PAPPA: variants seen among roughly 807,000 people sequenced by gnomAD.
PAPPA encodes the protein pappalysin 1.
PAPPA carries 60 observed loss-of-function variants against 164.0 expected under a neutral mutation model. That is an observed-to-expected ratio of 0.37 (90% CI 0.30 to 0.45). The LOEUF (loss-of-function observed/expected upper bound fraction) is 0.45, where lower values mean the gene tolerates loss of function less well. PAPPA is among the 20% of genes least tolerant of loss of function. The pLI is 1.00. For missense variants in PAPPA, 1,782 were observed against 2,087.3 expected, an observed-to-expected ratio of 0.85 and a Z score of 2.85; for synonymous variants, 875 against 814.1, an observed-to-expected ratio of 1.07 and a Z score of -1.27.
intron 4 of PAPPA, among the ~76,000 whole-genome samples, chr9:116,216,091 AATT>A (rs1344333110): frequency 1.3e-5 from 2 of 152,134 alleles, no homozygotes; most frequent in African/African-American, 4.8e-5. Flanking sequence ...TTTATTATAA[AATT>A]ATTATCTACA....
chr9:116,188,758 G>T (rs1844008710), intron 2 of PAPPA, among the ~76,000 whole-genome samples: 1 of 152,134 alleles, frequency 6.6e-6, no homozygotes, highest in Non-Finnish European at 1.5e-5. Context: ...AAGAGGTGGG[G>T]TCGCATGGGG....
chr9:116,335,840 A>G (rs1294836710), intron 13 of PAPPA, among the ~76,000 whole-genome samples: 1 of 152,206 alleles, frequency 6.6e-6, no homozygotes, highest in Non-Finnish European at 1.5e-5. Context: ...AATCTACTCC[A>G]CAGGGTGGTT....
chr9:116,397,914 G>C lies in PAPPA; in HGVS notation c.*1298G>C, dbSNP rs1846987656. The C allele has an allele frequency of 6.6e-6, 1 of 152,578 alleles. No homozygotes were observed. Among genetic ancestry groups the C allele is most frequent in the African/African-American group, 2.4e-5 (1 of 41,424 alleles). 9.5% of individuals were successfully genotyped at this position (152,578 alleles called of 1,614,324 possible). ...TGTTGCTCTGAGGAGATATAATTCT[G>C]GGAGAAAGAATCTTTTATAAGAACA... On this transcript the variant is annotated 3_prime_UTR_variant, in exon 22 of 22. Coordinates refer to ENST00000328252, the MANE Select transcript of PAPPA (RefSeq NM_002581.5).
At chr9:116,167,782 C>T (rs1175687042) in intron 1 of PAPPA, among the ~76,000 whole-genome samples, 1 of 152,108 alleles carries the variant, frequency 6.6e-6, no homozygotes, top group Non-Finnish European at 1.5e-5. Context: ...TACAGAAAAG[C>T]CCCTCAAAAG....
chr9:116,277,418 T>C (rs1303359786), intron 9 of PAPPA, among the ~76,000 whole-genome samples: 2 of 152,098 alleles, frequency 1.3e-5, no homozygotes, highest in African/African-American at 2.4e-5. Flanking sequence ...GTGGCATTCT[T>C]AACACTGGAG....
chr9:116,314,945 C>T (rs558971016), intron 10 of PAPPA, among the ~76,000 whole-genome samples: 7 of 152,278 alleles, frequency 4.6e-5, no homozygotes, highest in East Asian at 1.9e-4. Flanking sequence ...ACCAAATGAC[C>T]GGTTAGCAGC....
At chr9:116,304,644 A>G (rs1237626768) in intron 10 of PAPPA, among the ~76,000 whole-genome samples, 3 of 152,234 alleles carry the variant, frequency 2.0e-5, no homozygotes, top group African/African-American at 7.2e-5. Context: ...AGCATTTGAA[A>G]AGAAGCTTCA....
intron 2 of PAPPA, among the ~76,000 whole-genome samples, chr9:116,194,063 G>A (rs1287029731): frequency 1.3e-5 from 2 of 152,224 alleles, no homozygotes; most frequent in African/African-American, 2.4e-5. Context: ...ATGCAAGAAA[G>A]ATGTGAGTCT....
intron 7 of PAPPA, among the ~76,000 whole-genome samples, chr9:116,251,642 G>A (rs1353202105): frequency 6.6e-6 from 1 of 152,210 alleles, no homozygotes; most frequent in African/African-American, 2.4e-5. Flanking sequence ...TGTATCTGGT[G>A]TTTTGGCTCC....
At chr9:116,171,313 T>A (rs1843773362) in intron 1 of PAPPA, among the ~76,000 whole-genome samples, 1 of 152,194 alleles carries the variant, frequency 6.6e-6, no homozygotes, top group Non-Finnish European at 1.5e-5. Flanking sequence ...CAGAATGCCC[T>A]TGTGGCATGG....
At chr9:116,242,703 G>A (rs191508277) in intron 7 of PAPPA, among the ~76,000 whole-genome samples, 19 of 152,284 alleles carry the variant, frequency 1.2e-4, no homozygotes, top group African/African-American at 2.4e-4. Flanking sequence ...AGAAATTGCC[G>A]GTGATAAGCT....
At chr9:116,392,081 A>T (rs1846900388) in intron 21 of PAPPA, among the ~76,000 whole-genome samples, 3 of 152,126 alleles carry the variant, frequency 2.0e-5, no homozygotes. Flanking sequence ...AGTTTCTTTT[A>T]AGATGTAAAA....
At chr9:116,346,173 T>C (rs1030991122) in intron 14 of PAPPA, among the ~76,000 whole-genome samples, 9 of 152,136 alleles carry the variant, frequency 5.9e-5, no homozygotes, top group Non-Finnish European at 1.3e-4. Context: ...GTTTGGCATC[T>C]CCAGTCCCTA....
At chr9:116,367,889 G>A in intron 19 of PAPPA, 135 bp downstream of exon 19, 1 of 677,370 alleles carries the variant, frequency 1.5e-6, no homozygotes, top group South Asian at 1.7e-5. Flanking sequence ...CCTGCCCTGT[G>A]GGTGTGTGTT....
In PAPPA at chr9:116,207,492, T is replaced by C. The variant is rs2118675871; in HGVS notation, c.1515T>C (p.Leu505=). 6.2e-7 allele frequency: 1 copy of C among 1,612,972 alleles called. No individual in the cohort carries two copies. The highest frequency in any genetic ancestry group is 1.1e-5 in the South Asian group (1 of 90,926). The stretch of plus-strand genomic sequence containing the variant: ...ATGTTAATGAGCTGAAGAACATTCT[T>C]AAATTGGATGGATCAACACATCTCA... ...YLDVNELKNI[L]KLDGSTHLNI... The change falls in exon 3 of 22, where the codon CTT becomes CTC. Residue 505 remains leucine (L), a synonymous_variant. Transcript: ENST00000328252.
intron 13 of PAPPA, among the ~76,000 whole-genome samples, chr9:116,337,102 G>A (rs1028647338): frequency 1.1e-4 from 17 of 152,212 alleles, no homozygotes; most frequent in African/African-American, 4.1e-4. Flanking sequence ...CCTGAAAGCC[G>A]TGCTCTGCCT....
intron 10 of PAPPA, among the ~76,000 whole-genome samples, chr9:116,315,490 A>G (rs1483224478): frequency 6.6e-6 from 1 of 152,214 alleles, no homozygotes; most frequent in Non-Finnish European, 1.5e-5. Context: ...TTCTCTGCTA[A>G]CAGCTTTGGG....
chr9:116,285,221 G>A (rs1160432819), intron 9 of PAPPA, among the ~76,000 whole-genome samples: 2 of 118,814 alleles, frequency 1.7e-5, no homozygotes, highest in African/African-American at 6.5e-5. Context: ...CCAGGCCAGA[G>A]TGCAGTGGCA....
Position 116,230,174 on chromosome 9 carries a change from G to T in PAPPA, c.2233+2622G>T, listed in dbSNP as rs1217092034. Among the ~76,000 whole-genome samples the T allele has an allele frequency of 2.0e-5, 3 of 152,174 alleles. No individual in the cohort carries two copies. The East Asian group carries it at 5.8e-4, about 29-fold the overall frequency. ...ATTTAGTACATGTGCACCAGGAAAA[G>T]ACACTGTTCTTTTTTTAGAGCATCC... On this transcript the variant is annotated intron_variant, in intron 6 of 21. Transcript: ENST00000328252.
Sources: allele counts gnomAD v4.1 joint callset (sites outside exome capture counted in the v4.1 genomes callset), GRCh38; gene constraint gnomAD v4.1.1; transcripts MANE v1.5; gene names NCBI Gene and HGNC (gene_info 2026-07-23, HGNC 2026-07-21).